Variants in TSHR observed in about 807,000 individuals in gnomAD.
The protein encoded by TSHR is thyrotropin receptor.
In TSHR, 51 loss-of-function variants were observed where a neutral mutation model predicts 64.1. The observed-to-expected ratio is 0.80, with a 90% CI of 0.64 to 1.01. The LOEUF is 1.01. Ranked by LOEUF, TSHR falls within the 50% of genes least tolerant of loss-of-function variation. The probability of loss-of-function intolerance (pLI) is 0.00; values close to 1 mark genes in which losing one functional copy is unlikely to be tolerated. For missense variants in TSHR, 877 were observed against 942.8 expected (o/e 0.93, Z 0.91); for synonymous variants, 361 against 361.9 (o/e 1.00, Z 0.03).
chr14:80,983,653 T>G (rs1178759306), intron 1 of TSHR: 1 of 811,216 alleles, frequency 1.2e-6, no homozygotes, highest in Admixed American at 2.6e-5. Context: ...GAGCCAGAGA[T>G]AGAACACTTT....
chr14:80,999,720 C>T (rs538610927), intron 1 of TSHR, among the ~76,000 whole-genome samples: 25 of 152,164 alleles, frequency 1.6e-4, no homozygotes, highest in Middle Eastern at 3.4e-3. Context: ...AAATCAAGCT[C>T]TGGATGTGAA....
At chr14:81,093,114 TA>T (rs35028232) in intron 6 of TSHR, among the ~76,000 whole-genome samples, 1 of 151,964 alleles carries the variant, frequency 6.6e-6, no homozygotes, top group African/African-American at 2.4e-5. Flanking sequence ...ATCACTGAGT[TA>T]AAAAAAAGTG....
At chr14:81,036,115 A>G (rs1884611348) in intron 1 of TSHR, among the ~76,000 whole-genome samples, 1 of 152,186 alleles carries the variant, frequency 6.6e-6, no homozygotes. Context: ...GCAAACAAAT[A>G]TTTGCATTAT....
intron 8 of TSHR, among the ~76,000 whole-genome samples, chr14:81,134,228 C>T (rs1289447274): frequency 7.2e-5 from 11 of 152,100 alleles, no homozygotes; most frequent in Non-Finnish European, 4.4e-5. Context: ...CTCCACTTCC[C>T]GGGTTCAAGC....
At chr14:81,134,794 A>G (rs1359511180) in intron 8 of TSHR, among the ~76,000 whole-genome samples, 2 of 152,242 alleles carry the variant, frequency 1.3e-5, no homozygotes, top group Non-Finnish European at 2.9e-5. Flanking sequence ...CCCATAAACA[A>G]TACAAGAAAA....
At position 80,972,785 on chromosome 14, in the gene TSHR, C is replaced by A. The variant is rs1008978198; in HGVS notation, c.170+16935C>A. Among the ~76,000 whole-genome samples the A allele has an allele frequency of 2.0e-5, 3 of 152,184 alleles. No individual in the cohort carries two copies. In the South Asian group the frequency reaches 6.2e-4, roughly 32 times the overall value. On this transcript the variant is annotated intron_variant, in intron 1 of 9. Coordinates refer to ENST00000298171, the MANE Select transcript of TSHR (RefSeq NM_000369.5). The stretch of plus-strand genomic sequence containing the variant: ...ATTCCCCATTCCCCACTCCTCCCAG[C>A]CCCTGGAAACCAGGAATCTGCTCTC...
chr14:81,126,407 T>G (rs532662346), intron 8 of TSHR, among the ~76,000 whole-genome samples: 1 of 152,190 alleles, frequency 6.6e-6, no homozygotes, highest in African/African-American at 2.4e-5. Context: ...CCTCAAATGG[T>G]CATGCATTTT....
intron 1 of TSHR, among the ~76,000 whole-genome samples, chr14:80,977,678 T>C (rs1015424887): frequency 3.9e-5 from 6 of 152,230 alleles, no homozygotes; most frequent in African/African-American, 1.4e-4. Context: ...TGAGATCATA[T>C]GGCCCAAGAG....
chr14:81,104,246 G>C, intron 7 of TSHR: 1 of 985,422 alleles, frequency 1.0e-6, no homozygotes, highest in Non-Finnish European at 1.2e-6. Flanking sequence ...TAACATGAGA[G>C]GTAGGCAGGG....
At chr14:81,008,691 G>A (rs1889738188) in intron 1 of TSHR, among the ~76,000 whole-genome samples, 1 of 152,130 alleles carries the variant, frequency 6.6e-6, no homozygotes. Flanking sequence ...GTGAAGAATT[G>A]CTAGCTGTTT....
At chr14:81,120,230 C>T (rs930317165) in intron 8 of TSHR, among the ~76,000 whole-genome samples, 5 of 152,070 alleles carry the variant, frequency 3.3e-5, no homozygotes, top group African/African-American at 1.2e-4. Flanking sequence ...CTCCCAAAGT[C>T]ACCATGGTAA....
intron 1 of TSHR, among the ~76,000 whole-genome samples, chr14:80,978,364 G>C (rs1329890437): frequency 6.6e-6 from 1 of 152,134 alleles, no homozygotes; most frequent in Non-Finnish European, 1.5e-5. Context: ...ACCAATTCCA[G>C]TACCAACTGT....
intron 1 of TSHR, among the ~76,000 whole-genome samples, chr14:81,041,917 TGCG>T (rs1884941899): frequency 6.6e-6 from 1 of 152,288 alleles, no homozygotes; most frequent in South Asian, 2.1e-4. Flanking sequence ...ATAACAACAT[TGCG>T]TTGTAATGCA....
At chr14:80,978,129 A>ACG (rs1887983484) in intron 1 of TSHR, among the ~76,000 whole-genome samples, 1 of 141,212 alleles carries the variant, frequency 7.1e-6, no homozygotes, top group African/African-American at 2.5e-5. Context: ...ACACACACAC[A>ACG]CATGCATGTG....
At chr14:80,964,440 A>G (rs1016549226) in intron 1 of TSHR, among the ~76,000 whole-genome samples, 1 of 152,262 alleles carries the variant, frequency 6.6e-6, no homozygotes, top group African/African-American at 2.4e-5. Context: ...TTATCAGTCA[A>G]TTTACTAGAG....
Position 81,097,789 on chromosome 14 carries a change from TTGAAG to T in TSHR, c.614+1089_614+1093del, listed in dbSNP as rs368724557. Among the ~76,000 whole-genome samples, 17 of 152,316 alleles carry T rather than the reference TTGAAG, an allele frequency of 1.1e-4. 1 individual carries two copies. The East Asian group carries it at 1.7e-3, about 16-fold the overall frequency. On this transcript the variant is annotated intron_variant, in intron 7 of 9. Coordinates refer to ENST00000298171, the MANE Select transcript of TSHR (RefSeq NM_000369.5). ...TGAGGCAAGGCTCCCTGAGTTCTGT[TTGAAG>T]TGAAGTCTCACTCTTTGCTGGCTTT...
chr14:81,014,962 T>A (rs1007363252), intron 1 of TSHR, among the ~76,000 whole-genome samples: 2 of 152,194 alleles, frequency 1.3e-5, no homozygotes, highest in Non-Finnish European at 2.9e-5. Flanking sequence ...TGATTCTTAT[T>A]TTCATTTCAA....
intron 3 of TSHR, 69 bp from the exon 4 acceptor site, chr14:81,087,885 G>A: frequency 8.2e-7 from 1 of 1,215,728 alleles, no homozygotes; most frequent in South Asian, 1.2e-5. Context: ...ACTGATTTAT[G>A]TTGTTTTGTC....
chr14:81,018,741 G>C (rs1338877797), intron 1 of TSHR, among the ~76,000 whole-genome samples: 1 of 152,152 alleles, frequency 6.6e-6, no homozygotes, highest in African/African-American at 2.4e-5. Flanking sequence ...TAGCACTCAA[G>C]CTGGTCCTAA....
Sources: allele counts gnomAD v4.1 joint callset (sites outside exome capture counted in the v4.1 genomes callset), GRCh38; gene constraint gnomAD v4.1.1; transcripts MANE v1.5; gene names NCBI Gene and HGNC (gene_info 2026-07-23, HGNC 2026-07-21).